PLD1: variants seen among roughly 807,000 people sequenced by gnomAD.
The protein encoded by PLD1 is phospholipase D1.
PLD1 carries 112 observed loss-of-function variants against 137.1 expected under a neutral mutation model. That is an observed-to-expected ratio of 0.82 (90% confidence interval 0.70 to 0.96). PLD1 has a LOEUF of 0.96. Among genes scored for constraint, PLD1 ranks in the 40% least tolerant of loss-of-function variants. PLD1 has a pLI of 0.00. For synonymous variants in PLD1, 431 were observed against 454.7 expected (o/e 0.95, Z 0.66); for missense variants, 1,321 against 1,342.0 (o/e 0.98, Z 0.24).
At chr3:171,741,746 C>A (rs554051185) in intron 1 of PLD1, among the ~76,000 whole-genome samples, 1 of 152,190 alleles carries the variant, frequency 6.6e-6, no homozygotes, top group Admixed American at 6.5e-5. Context: ...GATTTAATGA[C>A]CTCCAGTTAT....
At chr3:171,631,937 A>C (rs1338485149) in intron 23 of PLD1, among the ~76,000 whole-genome samples, 8 of 152,206 alleles carry the variant, frequency 5.3e-5, no homozygotes, top group Admixed American at 5.2e-4. Context: ...AACGCATGCT[A>C]AAACCAGGAG....
intron 1 of PLD1, among the ~76,000 whole-genome samples, chr3:171,776,623 G>A (rs1258322378): frequency 2.6e-5 from 4 of 152,188 alleles, no homozygotes; most frequent in African/African-American, 4.8e-5. Flanking sequence ...AATCTGTGAC[G>A]TGTGTTGCCA....
intron 1 of PLD1, among the ~76,000 whole-genome samples, chr3:171,775,181 AT>A (rs1722546077): frequency 6.7e-6 from 1 of 150,080 alleles, no homozygotes; most frequent in South Asian, 2.1e-4. Context: ...CATCAAAGAT[AT>A]TTTCTTTGAC....
At chr3:171,680,993 G>A (rs1285752471) in intron 16 of PLD1, among the ~76,000 whole-genome samples, 3 of 152,164 alleles carry the variant, frequency 2.0e-5, no homozygotes, top group African/African-American at 7.2e-5. Flanking sequence ...AACATTTAAT[G>A]GAAGAGGTGC....
At chr3:171,738,321 A>G (rs1719535599) in intron 1 of PLD1, among the ~76,000 whole-genome samples, 2 of 152,140 alleles carry the variant, frequency 1.3e-5, no homozygotes, top group African/African-American at 2.4e-5. Context: ...AAAGAAAAAA[A>G]AAAGCAACAC....
chr3:171,663,199 T>G (rs1407392680), intron 19 of PLD1, among the ~76,000 whole-genome samples: 1 of 152,240 alleles, frequency 6.6e-6, no homozygotes, highest in Non-Finnish European at 1.5e-5. Flanking sequence ...CTTTGGAGGA[T>G]TTCTCAGATT....
chr3:171,640,302 T>C (rs915055066), intron 23 of PLD1, among the ~76,000 whole-genome samples: 9 of 152,092 alleles, frequency 5.9e-5, no homozygotes, highest in African/African-American at 1.9e-4. Context: ...TAAATGTTTA[T>C]AGTTATAAAT....
chr3:171,685,963 A>T (rs1037381289), intron 16 of PLD1, among the ~76,000 whole-genome samples: 3 of 152,070 alleles, frequency 2.0e-5, no homozygotes, highest in African/African-American at 7.2e-5. Context: ...TACTAAAAGT[A>T]CAAAAATTAG....
chr3:171,605,253 G>T, intron 26 of PLD1, 46 bp downstream of exon 26: 1 of 1,023,206 alleles, frequency 9.8e-7, no homozygotes, highest in Non-Finnish European at 1.6e-6. Flanking sequence ...TTTTTGTGAT[G>T]AGATTCAGTG....
At position 171,733,306 on chromosome 3, in the gene PLD1, T is replaced by C. The variant is rs116839620; in HGVS notation, c.606+138A>G. ...TCCTTGCTGTAAAATCAACTTTGTA[T>C]TCACTTAATTTATTTTAATGCAAGG... On this transcript the variant is annotated intron_variant, in intron 6 of 26. Coordinates refer to ENST00000351298, the MANE Select transcript of PLD1 (RefSeq NM_002662.5). 1.5e-3 allele frequency: 795 copies of C among 536,384 alleles called. 4 individuals carry two copies. Among genetic ancestry groups the C allele is most frequent in the African/African-American group, 0.011 (567 of 50,996 alleles). 33.2% of individuals were successfully genotyped at this position (536,384 alleles called of 1,614,324 possible).
intron 9 of PLD1, among the ~76,000 whole-genome samples, chr3:171,711,569 G>A (rs540830481): frequency 6.6e-6 from 1 of 152,138 alleles, no homozygotes; most frequent in East Asian, 1.9e-4. Flanking sequence ...ATTAACAAAT[G>A]GACATGAGTA....
intron 21 of PLD1, among the ~76,000 whole-genome samples, chr3:171,646,244 C>G (rs1285743425): frequency 6.6e-6 from 1 of 152,202 alleles, no homozygotes; most frequent in Non-Finnish European, 1.5e-5. Context: ...TCCGGGAGGA[C>G]TATATTCACA....
chr3:171,644,879 G>T, intron 22 of PLD1, 31 bp downstream of exon 22: 2 of 1,326,722 alleles, frequency 1.5e-6, no homozygotes, highest in Non-Finnish European at 2.2e-6. Flanking sequence ...ATGACCGAAA[G>T]CTCAAAATAG....
chr3:171,766,364 A>G (rs911311047), intron 1 of PLD1, among the ~76,000 whole-genome samples: 1 of 152,172 alleles, frequency 6.6e-6, no homozygotes, highest in African/African-American at 2.4e-5. Context: ...GTATAAGAAG[A>G]AAATATAAAT....
chr3:171,711,817 TAAAAAAAAA>T (rs36106956), intron 9 of PLD1, among the ~76,000 whole-genome samples: 1 of 99,206 alleles, frequency 1.0e-5, no homozygotes, highest in African/African-American at 4.0e-5. Context: ...TTATAAATGC[TAAAAAAAAA>T]AAAAAAAAAA....
At chr3:171,632,441 A>C (rs1734748770) in intron 23 of PLD1, among the ~76,000 whole-genome samples, 1 of 152,178 alleles carries the variant, frequency 6.6e-6, no homozygotes, top group East Asian at 1.9e-4. Context: ...AGGTCTATAA[A>C]CTGGATAATA....
At chr3:171,635,370 T>G (rs1485035616) in intron 23 of PLD1, among the ~76,000 whole-genome samples, 1 of 152,172 alleles carries the variant, frequency 6.6e-6, no homozygotes, top group Non-Finnish European at 1.5e-5. Context: ...CAGTACCATT[T>G]TTCATTCCCA....
intron 16 of PLD1, among the ~76,000 whole-genome samples, chr3:171,683,989 T>TTC (rs1369560172): frequency 6.6e-6 from 1 of 152,164 alleles, no homozygotes; most frequent in South Asian, 2.1e-4. Context: ...GTTTAGGTTG[T>TTC]TCTCTCTCTC....
At chr3:171,772,295 A>G (rs966541483) in intron 1 of PLD1, among the ~76,000 whole-genome samples, 3 of 152,366 alleles carry the variant, frequency 2.0e-5, no homozygotes, top group African/African-American at 7.2e-5. Context: ...AGGTTTTTGA[A>G]CTTTAATTAT....
Sources: gnomAD v4.1 joint callset for allele counts (sites outside exome capture counted in the v4.1 genomes callset) on GRCh38, gnomAD v4.1.1 for gene constraint, MANE v1.5 for transcripts, NCBI Gene and HGNC (gene_info 2026-07-23, HGNC 2026-07-21) for gene names.